Variants in ZNF581 observed in about 807,000 individuals in gnomAD.
The protein encoded by ZNF581 is zinc finger protein 581.
A neutral mutation model predicts 1.2 loss-of-function variants in ZNF581; 1 was observed. The observed-to-expected ratio is 0.83, with a 90% CI of 0.30 to 3.95. The LOEUF is 3.95. Among genes scored for constraint, ZNF581 ranks in the 30% most tolerant of loss-of-function variants. The pLI is 0.18. For missense variants in ZNF581, 273 were observed against 274.6 expected (o/e 0.99, Z 0.04); for synonymous variants, 105 against 109.2 (o/e 0.96, Z 0.24).
chr19:55,642,401 G>T (rs1179934452), upstream of ZNF581: 4 of 1,345,460 alleles, frequency 3.0e-6, no homozygotes, highest in Non-Finnish European at 3.8e-6. Context: ...CGCACAAAGG[G>T]TAACAAGCAG....
chr19:55,640,784 CTT>C (rs1461821704), upstream of ZNF581: 1 of 985,386 alleles, frequency 1.0e-6, no homozygotes, highest in African/African-American at 1.7e-5. Flanking sequence ...GAAGACGTAA[CTT>C]TGCTTAGTCT....
upstream of ZNF581, chr19:55,642,848 C>T (rs1308328154): frequency 1.3e-6 from 2 of 1,574,752 alleles, no homozygotes. Flanking sequence ...CCGCGTGTCG[C>T]ACTCGGACCT....
chr19:55,642,763 G>A, upstream of ZNF581: 1 of 1,543,702 alleles, frequency 6.5e-7, no homozygotes, highest in Non-Finnish European at 8.7e-7. Flanking sequence ...CCCCAGGAGA[G>A]CCCGGCCCTC....
chr19:55,641,140 G>A (rs1448519794), upstream of ZNF581: 3 of 985,300 alleles, frequency 3.0e-6, no homozygotes, highest in Admixed American at 1.8e-4. Context: ...GGGCCGCCCG[G>A]GACCTCGGCC....
At chr19:55,638,009 TGTTA>T (rs1443072264), upstream of ZNF581, among the ~76,000 whole-genome samples, 4 of 152,178 alleles carry the variant, frequency 2.6e-5, no homozygotes, top group African/African-American at 9.7e-5. Flanking sequence ...AGAGGGATTG[TGTTA>T]GTTTCATTGT....
chr19:55,643,015 G>A (rs1982625375), upstream of ZNF581: 1 of 1,362,560 alleles, frequency 7.3e-7, no homozygotes, highest in South Asian at 1.9e-5. Flanking sequence ...CGCAGCACGT[G>A]CGCCTCCACT....
Position 55,644,607 on chromosome 19 carries a change from G to T in ZNF581, c.36G>T (p.Leu12=). The T allele has an allele frequency of 6.2e-7, 1 of 1,607,060 alleles. No individual in the cohort carries two copies. The highest frequency in any genetic ancestry group is 2.2e-5 in the East Asian group (1 of 44,542). The change falls in exon 2 of 2, where the codon CTG becomes CTT. Residue 12 remains leucine (L), a synonymous_variant. Transcript: ENST00000270451. The surrounding 1 kb of genome is among the most constrained non-coding windows in gnomAD (Gnocchi z 4.3). The part of the protein sequence containing the change: ...LVLPSPCPQP[L]AFSSVETMEG... ...TGCCATCCCCCTGCCCTCAGCCTCT[G>T]GCATTTTCCTCCGTTGAGACCATGG...
upstream of ZNF581, chr19:55,641,101 C>A: frequency 1.0e-6 from 1 of 985,386 alleles, no homozygotes; most frequent in Non-Finnish European, 1.2e-6. Context: ...GTCTCGGTTC[C>A]GCCGCCGGCG....
At chr19:55,638,120 G>A (rs1409266472), upstream of ZNF581, among the ~76,000 whole-genome samples, 1 of 152,174 alleles carries the variant, frequency 6.6e-6, no homozygotes, top group African/African-American at 2.4e-5. Context: ...TGTGGTCCTG[G>A]CAGCTGCTTC....
At position 55,644,431 on chromosome 19, in the gene ZNF581, G is replaced by A. The variant is rs1039102924; in HGVS notation, c.-19-122G>A. 120 of 647,896 alleles carry A rather than the reference G, an allele frequency of 1.9e-4. No homozygotes were observed. In the East Asian group the frequency reaches 3.2e-3, roughly 17 times the overall value. The allele number at this position is 647,896 out of a possible 1,614,324, so 40.1% of individuals were successfully genotyped here. ...AGCTGTGAGCGGGACTGGAAAAGAGGGACTGAGGGGCAGCAGGATGCAGAG... is the reference window on the plus strand; with the variant it reads ...AGCTGTGAGCGGGACTGGAAAAGAGAGACTGAGGGGCAGCAGGATGCAGAG... On this transcript the variant is annotated intron_variant, in intron 1 of 1. Coordinates refer to ENST00000270451, the MANE Select transcript of ZNF581 (RefSeq NM_016535.4). The surrounding 1 kb of genome is among the most constrained non-coding windows in gnomAD (Gnocchi z 4.3).
chr19:55,639,219 A>G (rs1281126369), upstream of ZNF581, among the ~76,000 whole-genome samples: 3 of 152,084 alleles, frequency 2.0e-5, no homozygotes, highest in Non-Finnish European at 4.4e-5. Context: ...TGCTACTGCC[A>G]TCTGGTGGGT....
At position 55,644,878 on chromosome 19, in the gene ZNF581, C is replaced by T; in HGVS notation, c.307C>T (p.Gln103Ter). Residue 103 changes from glutamine (Q) to a stop codon, truncating the protein, a stop_gained, in exon 2 of 2, where the codon CAG becomes TAG. Transcript: ENST00000270451. LOFTEE classifies it low-confidence loss of function (END_TRUNC). This position sits in a 1 kb window ranked among gnomAD's most constrained non-coding sequence, Gnocchi z 4.3. ...SRVFEYMSYL[Q>*]RHSITHSEVK... is the part of the protein sequence containing the mutation. The stretch of plus-strand genomic sequence containing the variant: ...GGTCTTCGAGTACATGTCCTACCTT[C>T]AGCGACACAGCATCACCCACTCGGA... The T allele has an allele frequency of 6.2e-7, 1 of 1,613,954 alleles. No homozygotes were observed. Among genetic ancestry groups the T allele is most frequent in the Non-Finnish European group, 8.5e-7 (1 of 1,179,830 alleles).
upstream of ZNF581, chr19:55,635,052 C>T (rs1159688190): frequency 6.6e-6 from 1 of 152,082 alleles, no homozygotes; most frequent in Non-Finnish European, 1.5e-5. Flanking sequence ...GATAGGGAGA[C>T]CGGGCCGGAT....
exon 1 of ZNF581, chr19:55,635,587 G>A (rs2041475698): frequency 3.7e-6 from 3 of 820,630 alleles, no homozygotes; most frequent in Non-Finnish European, 4.4e-6. Context: ...AGGATTCATC[G>A]AGACCCTGGA....
At chr19:55,642,941 C>A (rs1001512786), upstream of ZNF581, 5 of 1,440,900 alleles carry the variant, frequency 3.5e-6, no homozygotes, top group African/African-American at 5.9e-5. Flanking sequence ...GCACCGCGCC[C>A]GCGCCGGGCC....
chr19:55,638,341 T>A (rs937741932), upstream of ZNF581, among the ~76,000 whole-genome samples: 2 of 152,066 alleles, frequency 1.3e-5, no homozygotes, highest in African/African-American at 4.8e-5. Flanking sequence ...CGGGTTCAAG[T>A]GATTCTCCTG....
At chr19:55,642,723 A>G, upstream of ZNF581, 2 of 1,508,300 alleles carry the variant, frequency 1.3e-6, no homozygotes, top group South Asian at 1.2e-5. Flanking sequence ...CTGGAGGAGG[A>G]GCCCCGGGGC....
chr19:55,640,447 G>T, upstream of ZNF581: 3 of 985,456 alleles, frequency 3.0e-6, no homozygotes, highest in Non-Finnish European at 3.6e-6. Flanking sequence ...ATGCCTTCTG[G>T]AAATATCACA....
upstream of ZNF581, chr19:55,640,636 T>G (rs939017390): frequency 1.0e-6 from 1 of 985,210 alleles, no homozygotes; most frequent in African/African-American, 1.7e-5. Flanking sequence ...CAATGGCTGG[T>G]CTCTGGACCT....
Sources: allele counts gnomAD v4.1 joint callset (sites outside exome capture counted in the v4.1 genomes callset), GRCh38; gene constraint gnomAD v4.1.1; non-coding constraint Gnocchi (gnomAD v3.1); transcripts MANE v1.5; gene names NCBI Gene and HGNC (gene_info 2026-07-23, HGNC 2026-07-21).